The following FMNL2 variants were observed in gnomAD, a reference collection of about 807,000 sequenced individuals.
FMNL2 encodes the protein formin-like protein 2.
In FMNL2, 51 loss-of-function variants were observed where a neutral mutation model predicts 130.2. The ratio of observed to expected loss-of-function variants is 0.39; its 90% confidence interval spans 0.31 to 0.49. FMNL2 has a LOEUF of 0.49. FMNL2 is among the 20% of genes least tolerant of loss of function. The pLI, the probability that FMNL2 is intolerant of heterozygous loss-of-function variation, is 0.85. For missense variants in FMNL2, 977 were observed against 1,316.2 expected, an observed-to-expected ratio of 0.74 and a Z score of 3.99; for synonymous variants, 465 against 467.1, an observed-to-expected ratio of 1.00 and a Z score of 0.06.
chr2:152,584,126 G>A (rs1342861241), intron 9 of FMNL2, among the ~76,000 whole-genome samples: 1 of 151,642 alleles, frequency 6.6e-6, no homozygotes, highest in African/African-American at 2.4e-5. Flanking sequence ...TTGCGTGAGT[G>A]AATTTTTTTT....
intron 7 of FMNL2, among the ~76,000 whole-genome samples, chr2:152,575,961 G>T (rs1053959660): frequency 6.6e-6 from 1 of 152,072 alleles, no homozygotes; most frequent in African/African-American, 2.4e-5. Context: ...ACGTGTGCTG[G>T]GTTAATCTTA....
Position 152,541,946 on chromosome 2 carries a change from C to G in FMNL2, c.202-793C>G, listed in dbSNP as rs1303946969. Among the ~76,000 whole-genome samples the G allele has an allele frequency of 9.2e-5, 14 of 152,194 alleles. No individual in the cohort carries two copies. In the South Asian group the frequency reaches 2.5e-3, roughly 27 times the overall value. On this transcript the variant is annotated intron_variant, in intron 2 of 25. Coordinates refer to ENST00000288670, the MANE Select transcript of FMNL2 (RefSeq NM_052905.4). ...TTACTGTTGCCTGTTCTGCTTTGGA[C>G]ATTAGGGTCTATAAAACCTGATACA...
At chr2:152,443,401 GGTGA>G (rs70974862) in intron 1 of FMNL2, among the ~76,000 whole-genome samples, 5,649 of 152,182 alleles carry the variant, frequency 0.037, 282 homozygotes, top group African/African-American at 0.11. Flanking sequence ...TAGGAAGGTA[GGTGA>G]GAAGAGCACC....
At chr2:152,458,364 ACT>A (rs1355192897) in intron 1 of FMNL2, among the ~76,000 whole-genome samples, 1 of 151,908 alleles carries the variant, frequency 6.6e-6, no homozygotes, top group East Asian at 1.9e-4. Context: ...CGGAGCAATA[ACT>A]CTGTTCTGGT....
At position 152,335,635 on chromosome 2, in the gene FMNL2, A is replaced by C. The variant is rs1212087317; in HGVS notation, c.32A>C (p.Gln11Pro). Reference sequence around the variant, plus strand: ...AACGCAGGGAGCATGGATTCGCAGCAGACCGATTTCAGGGCGCACAACGTG... The same window carrying C: ...AACGCAGGGAGCATGGATTCGCAGCCGACCGATTTCAGGGCGCACAACGTG... MGNAGSMDSQ[Q>P]TDFRAHNVPL... Residue 11 changes from glutamine to proline, a missense_variant, in exon 1 of 26, where the codon CAG (glutamine) becomes CCG (proline). This residue lies in a region of FMNL2 where 117 missense variants were observed against 134.9 expected (regional missense o/e 0.87). Transcript: ENST00000288670. 1 of 1,593,438 alleles carries C rather than the reference A, an allele frequency of 6.3e-7. No individual in the cohort carries two copies. The highest frequency in any genetic ancestry group is 1.1e-5 in the South Asian group (1 of 89,912).
At chr2:152,408,663 C>G (rs1686127564) in intron 1 of FMNL2, among the ~76,000 whole-genome samples, 1 of 152,082 alleles carries the variant, frequency 6.6e-6, no homozygotes, top group African/African-American at 2.4e-5. Context: ...TATAGCTACC[C>G]TATGAAACAT....
In FMNL2 at chr2:152,568,223, T is replaced by TTTTTTGTTTGTTTGTTTTTTG. The variant is rs1553478442; in HGVS notation, c.597-6908_597-6907insGTTTGTTTGTTTTTTGTTTTT. ...AACGGCTTCCATTTTGGTGGGTTTT[T>TTTTTTGTTTGTTTGTTTTTTG]TTTTTTTTTTGAGACGGAGTCTCAC... On this transcript the variant is annotated intron_variant, in intron 6 of 25. Coordinates refer to ENST00000288670, the MANE Select transcript of FMNL2 (RefSeq NM_052905.4). 1.0e-3 allele frequency among the ~76,000 whole-genome samples: 135 copies of TTTTTTGTTTGTTTGTTTTTTG among 132,304 alleles called. 4 individuals are homozygous for TTTTTTGTTTGTTTGTTTTTTG. Among genetic ancestry groups the TTTTTTGTTTGTTTGTTTTTTG allele is most frequent in the African/African-American group, 3.9e-3 (134 of 34,358 alleles). The allele number at this position is 132,304 out of a possible 152,430, so 86.8% of individuals were successfully genotyped here.
At chr2:152,357,127 GTTTAATGTATCACGATAAATATTACA>G (rs1328618930) in intron 1 of FMNL2, among the ~76,000 whole-genome samples, 3 of 126,344 alleles carry the variant, frequency 2.4e-5, no homozygotes, top group Admixed American at 8.8e-5. Context: ...TATTACATCA[GTTTAATGTATCACGATAAATATTACA>G]TCAGTTTAAT....
At position 152,632,044 on chromosome 2, in the gene FMNL2, C is replaced by G; in HGVS notation, c.2587C>G (p.Leu863Val). The change falls in exon 21 of 26, where the codon CTG (leucine) becomes GTG (valine). Residue 863 changes from leucine (L) to valine (V), a missense_variant. By Grantham distance (32) the Leu-to-Val change is conservative. Transcript: ENST00000288670. Reference sequence around the variant, plus strand: ...AAAGTCAACAGACAGAAAGCAAACACTGTTGCACTATATATCCAATGTGGT... The same window carrying G: ...AAAGTCAACAGACAGAAAGCAAACAGTGTTGCACTATATATCCAATGTGGT... ...DTKSTDRKQT[L>V]LHYISNVVKE... 1.2e-6 allele frequency: 2 copies of G among 1,613,220 alleles called. No individual in the cohort carries two copies. The highest frequency in any genetic ancestry group is 1.7e-6 in the Non-Finnish European group (2 of 1,179,528).
chr2:152,460,240 T>C (rs1403956527), intron 1 of FMNL2, among the ~76,000 whole-genome samples: 1 of 152,234 alleles, frequency 6.6e-6, no homozygotes, highest in Non-Finnish European at 1.5e-5. Flanking sequence ...AAGAATAGCA[T>C]GTTCTATCCA....
chr2:152,388,532 C>T lies in FMNL2; in HGVS notation c.117+52812C>T, dbSNP rs974540013. ...CCCCCGTGATTCAATTACCTTCCAC[C>T]GAGTCCCTCCCATGACATGTGGGGA... is the stretch of plus-strand genomic sequence containing the variant. On this transcript the variant is annotated intron_variant, in intron 1 of 25. Transcript: ENST00000288670. 1.4e-4 allele frequency among the ~76,000 whole-genome samples: 21 copies of T among 152,102 alleles called. 2 individuals are homozygous for T. The highest frequency in any genetic ancestry group is 1.2e-3 in the Admixed American group (19 of 15,280).
At chr2:152,609,830 T>G (rs1698584273) in intron 10 of FMNL2, among the ~76,000 whole-genome samples, 2 of 152,196 alleles carry the variant, frequency 1.3e-5, no homozygotes, top group South Asian at 2.1e-4. Flanking sequence ...TCAGGATAAG[T>G]GTGACTCTGC....
rs752924737 is a variant in FMNL2 at position 152,335,583 on chromosome 2, C to T, written c.-21C>T. ...CACGCTAGGGGCCCGGAGCAGCCCC[C>T]GGCCCCGGCGCGCCGCCGACATGGG... On this transcript the variant is annotated 5_prime_UTR_variant, in exon 1 of 26. Coordinates refer to ENST00000288670, the MANE Select transcript of FMNL2 (RefSeq NM_052905.4). 7 of 1,571,610 alleles carry T rather than the reference C, an allele frequency of 4.5e-6. No homozygotes were observed. The highest frequency in any genetic ancestry group is 1.7e-4 in the Middle Eastern group (1 of 5,936).
rs1048023708 is a variant in FMNL2 at position 152,389,892 on chromosome 2, G to A, written c.117+54172G>A. 11 of 1,029,580 alleles carry A rather than the reference G, an allele frequency of 1.1e-5. No individual in the cohort carries two copies. The African/African-American group carries it at 1.7e-4, about 16-fold the overall frequency. 63.8% of individuals were successfully genotyped at this position (1,029,580 alleles called of 1,614,324 possible). ...AGCTGGCACAGAAGGCCCGGTGGGA[G>A]AAGAGAACCCGGGAGAAGGTGGAGC... On this transcript the variant is annotated intron_variant, in intron 1 of 25. Coordinates refer to ENST00000288670, the MANE Select transcript of FMNL2 (RefSeq NM_052905.4).
chr2:152,523,258 A>C (rs1397448351), intron 2 of FMNL2, among the ~76,000 whole-genome samples: 1 of 152,214 alleles, frequency 6.6e-6, no homozygotes, highest in Non-Finnish European at 1.5e-5. Flanking sequence ...CCATATGGAC[A>C]TGGTGAATCA....
At chr2:152,385,135 GC>G (rs1684707461) in intron 1 of FMNL2, among the ~76,000 whole-genome samples, 1 of 152,206 alleles carries the variant, frequency 6.6e-6, no homozygotes, top group Non-Finnish European at 1.5e-5. Context: ...TTCTGTTAAT[GC>G]CTATTTGTTA....
chr2:152,571,024 A>T (rs1349596385), intron 6 of FMNL2, among the ~76,000 whole-genome samples: 1 of 152,170 alleles, frequency 6.6e-6, no homozygotes, highest in Non-Finnish European at 1.5e-5. Flanking sequence ...GTGGCATTTT[A>T]ACTTGTTCTC....
At chr2:152,462,690 C>T (rs945897899) in intron 1 of FMNL2, among the ~76,000 whole-genome samples, 6 of 152,142 alleles carry the variant, frequency 3.9e-5, no homozygotes, top group Non-Finnish European at 7.3e-5. Flanking sequence ...ATTGATCATA[C>T]CCTGTGCATT....
At chr2:152,553,961 A>G (rs1204217015) in intron 4 of FMNL2, among the ~76,000 whole-genome samples, 5 of 152,186 alleles carry the variant, frequency 3.3e-5, no homozygotes, top group African/African-American at 1.2e-4. Flanking sequence ...TCTTATACAC[A>G]CTTAGAGATG....
Sources: gnomAD v4.1 joint callset for allele counts (sites outside exome capture counted in the v4.1 genomes callset) on GRCh38, gnomAD v4.1.1 for gene constraint, gnomAD v4.1.1 regional missense constraint, MANE v1.5 for transcripts, NCBI Gene and HGNC (gene_info 2026-07-23, HGNC 2026-07-21) for gene names.